The following ICA1L variants were observed in gnomAD, a reference collection of about 807,000 sequenced individuals.
ICA1L encodes islet cell autoantigen 1-like protein.
ICA1L carries 50 observed loss-of-function variants against 61.3 expected under a neutral mutation model. The observed-to-expected ratio is 0.82, with a 90% CI of 0.65 to 1.03. ICA1L has a LOEUF of 1.03. Among genes scored for constraint, ICA1L ranks in the 50% least tolerant of loss-of-function variants. ICA1L has a pLI of 0.00. For missense variants in ICA1L, 508 were observed against 556.7 expected (o/e 0.91, Z 0.88); for synonymous variants, 161 against 191.3 (o/e 0.84, Z 1.31).
intron 7 of ICA1L, 90 bp from the exon 8 acceptor site, chr2:202,814,874 C>G: frequency 1.1e-6 from 1 of 880,284 alleles, no homozygotes; most frequent in Non-Finnish European, 1.8e-6. Flanking sequence ...TCTAAAGAAC[C>G]ATATGAAATA....
intron 12 of ICA1L, 57 bp downstream of exon 12, chr2:202,785,861 T>C: frequency 1.0e-6 from 1 of 964,766 alleles, no homozygotes; most frequent in Non-Finnish European, 1.6e-6. Context: ...TCTAAATTTA[T>C]CTGAATTCAA....
At chr2:202,852,671 C>CAAAAA (rs574400027) in intron 1 of ICA1L, among the ~76,000 whole-genome samples, 1 of 42,194 alleles carries the variant, frequency 2.4e-5, no homozygotes, top group Non-Finnish European at 4.2e-5. Flanking sequence ...GACTCTGTCT[C>CAAAAA]AAAAAAAAAA....
chr2:202,858,709 G>A (rs544522566), intron 1 of ICA1L, among the ~76,000 whole-genome samples: 1 of 152,298 alleles, frequency 6.6e-6, no homozygotes, highest in Admixed American at 6.5e-5. Context: ...TGATGTCATA[G>A]CCATGGTTTG....
chr2:202,793,627 A>C (rs1692826322), intron 10 of ICA1L, among the ~76,000 whole-genome samples: 1 of 150,770 alleles, frequency 6.6e-6, no homozygotes, highest in African/African-American at 2.4e-5. Context: ...TCCAGTGAGC[A>C]GAGATCACAC....
chr2:202,865,646 T>C (rs1687487921), intron 1 of ICA1L, among the ~76,000 whole-genome samples: 1 of 152,224 alleles, frequency 6.6e-6, no homozygotes, highest in African/African-American at 2.4e-5. Context: ...GACATGATTA[T>C]GTATGCAAAA....
intron 10 of ICA1L, among the ~76,000 whole-genome samples, chr2:202,796,132 T>G (rs1261057512): frequency 2.0e-5 from 3 of 150,814 alleles, no homozygotes; most frequent in South Asian, 4.2e-4. Context: ...TAAATTAACT[T>G]CAAATGAATT....
intron 12 of ICA1L, among the ~76,000 whole-genome samples, chr2:202,783,099 A>G (rs959731736): frequency 6.6e-6 from 1 of 152,170 alleles, no homozygotes; most frequent in South Asian, 2.1e-4. Context: ...GTAGGGAAAA[A>G]GGGAAAGCTT....
chr2:202,811,280 G>T (rs1284289793), intron 9 of ICA1L, among the ~76,000 whole-genome samples: 1 of 152,050 alleles, frequency 6.6e-6, no homozygotes, highest in Non-Finnish European at 1.5e-5. Context: ...GGGGAAAATA[G>T]AAAAGAACCT....
At chr2:202,859,451 T>C (rs751735231) in intron 1 of ICA1L, among the ~76,000 whole-genome samples, 3 of 152,240 alleles carry the variant, frequency 2.0e-5, no homozygotes, top group Non-Finnish European at 4.4e-5. Flanking sequence ...CAGTTTCATA[T>C]GCACATTTAA....
chr2:202,822,866 A>G (rs546460910), intron 3 of ICA1L, among the ~76,000 whole-genome samples: 12 of 152,306 alleles, frequency 7.9e-5, no homozygotes, highest in African/African-American at 2.2e-4. Context: ...AGGTGTCTAC[A>G]CAGTCTGTAG....
rs142668052 is a variant in ICA1L, at chr2:202,848,566, C to T, written c.-7-19550G>A. ...AGTTAGGTACATCCAGCAAATTGCA[C>T]AGCCCACAAAGCAAAAAATTATTTA... is the stretch of plus-strand genomic sequence containing the variant. On this transcript the variant is annotated intron_variant, in intron 1 of 12. Coordinates refer to ENST00000358299, the MANE Select transcript of ICA1L (RefSeq NM_001288622.3). Among the ~76,000 whole-genome samples, 261 of 152,282 alleles carry T rather than the reference C, an allele frequency of 1.7e-3. 2 individuals are homozygous for T. Among genetic ancestry groups the T allele is most frequent in the African/African-American group, 5.6e-3 (232 of 41,566 alleles).
chr2:202,781,008 C>T (rs1199152091), intron 12 of ICA1L, among the ~76,000 whole-genome samples: 1 of 152,136 alleles, frequency 6.6e-6, no homozygotes, highest in Non-Finnish European at 1.5e-5. Flanking sequence ...ACCTGACCTC[C>T]TTCATGCAGC....
At chr2:202,836,977 G>C (rs2105867672) in intron 1 of ICA1L, among the ~76,000 whole-genome samples, 1 of 151,954 alleles carries the variant, frequency 6.6e-6, no homozygotes, top group East Asian at 2.0e-4. Flanking sequence ...AAGTTTCTGG[G>C]ATTACAGGTG....
chr2:202,782,412 G>GTT (rs773150516), intron 12 of ICA1L, among the ~76,000 whole-genome samples: 62 of 146,818 alleles, frequency 4.2e-4, no homozygotes, highest in African/African-American at 1.3e-3. Flanking sequence ...TTTTGTTTTT[G>GTT]GTTTTTTTTT....
chr2:202,841,907 G>A (rs1694346159), intron 1 of ICA1L: 1 of 231,672 alleles, frequency 4.3e-6, no homozygotes, highest in Admixed American at 4.8e-5. Flanking sequence ...TGCCCAGACT[G>A]GAGTGCAGTG....
chr2:202,801,548 G>C (rs1046360722), intron 9 of ICA1L, among the ~76,000 whole-genome samples: 8 of 152,178 alleles, frequency 5.3e-5, no homozygotes, highest in African/African-American at 1.9e-4. Flanking sequence ...ACATTCTTCA[G>C]AAAATTTGTC....
At chr2:202,803,165 TG>T (rs1180436520) in intron 9 of ICA1L, among the ~76,000 whole-genome samples, 3 of 152,092 alleles carry the variant, frequency 2.0e-5, no homozygotes, top group African/African-American at 7.2e-5. Context: ...CCCAGCACTC[TG>T]GGAGTCCAAA....
Position 202,815,995 on chromosome 2 carries a change from T to G in ICA1L, c.699A>C (p.Gly233=), listed in dbSNP as rs185119218. 1.9e-6 allele frequency: 3 copies of G among 1,600,966 alleles called. No individual in the cohort carries two copies. Among genetic ancestry groups the G allele is most frequent in the Admixed American group, 1.7e-5 (1 of 57,788 alleles). The change falls in exon 7 of 13, where the codon GGA becomes GGC. Residue 233 remains glycine (G), a synonymous_variant. Coordinates refer to ENST00000358299, the MANE Select transcript of ICA1L (RefSeq NM_001288622.3). Reference sequence around the variant, plus strand: ...TCATTCGAGCTGTTTTCTTCCAGAATCCAAGCAGTGTTCTCTGCAAAAAAA... The same window carrying G: ...TCATTCGAGCTGTTTTCTTCCAGAAGCCAAGCAGTGTTCTCTGCAAAAAAA... The part of the protein sequence containing the change: ...SLTTYQRTLL[G]FWKKTARMMS...
chr2:202,805,413 T>C (rs1458240846), intron 9 of ICA1L, among the ~76,000 whole-genome samples: 1 of 151,994 alleles, frequency 6.6e-6, no homozygotes, highest in Non-Finnish European at 1.5e-5. Flanking sequence ...AAAATTAAAA[T>C]TTTGAGGGAA....
Sources: allele counts gnomAD v4.1 joint callset (sites outside exome capture counted in the v4.1 genomes callset), GRCh38; gene constraint gnomAD v4.1.1; transcripts MANE v1.5; gene names NCBI Gene and HGNC (gene_info 2026-07-23, HGNC 2026-07-21).